Variants in SGCZ observed in about 807,000 individuals in gnomAD.
SGCZ encodes the protein sarcoglycan zeta, also known as zeta-sarcoglycan.
A neutral mutation model predicts 41.3 loss-of-function variants in SGCZ; 40 were observed. That is an observed-to-expected ratio of 0.97 (90% CI 0.75 to 1.26). The LOEUF (loss-of-function observed/expected upper bound fraction) is 1.26. Among genes scored for constraint, SGCZ ranks in the 50% most tolerant of loss-of-function variants. The pLI is 0.00. For synonymous variants in SGCZ, 206 were observed against 137.5 expected (o/e 1.50, Z -3.49); for missense variants, 552 against 369.8 (o/e 1.49, Z -4.04).
chr8:15,147,406 G>C (rs1055103289), intron 1 of SGCZ, among the ~76,000 whole-genome samples: 5 of 152,140 alleles, frequency 3.3e-5, no homozygotes, highest in Non-Finnish European at 7.3e-5. Flanking sequence ...AGCCTCCCGA[G>C]TAACTGGGAT....
chr8:14,389,800 A>G (rs1804701699), intron 2 of SGCZ, among the ~76,000 whole-genome samples: 1 of 152,036 alleles, frequency 6.6e-6, no homozygotes, highest in Non-Finnish European at 1.5e-5. Flanking sequence ...ACTATGACTA[A>G]TATTTGAGAA....
At chr8:15,116,689 G>T (rs1032007483) in intron 1 of SGCZ, among the ~76,000 whole-genome samples, 2 of 152,140 alleles carry the variant, frequency 1.3e-5, no homozygotes, top group African/African-American at 4.8e-5. Context: ...AAAGTACTAA[G>T]CTTTACACCA....
At chr8:14,542,515 C>T (rs934001721) in intron 2 of SGCZ, among the ~76,000 whole-genome samples, 1 of 151,980 alleles carries the variant, frequency 6.6e-6, no homozygotes, top group Non-Finnish European at 1.5e-5. Flanking sequence ...AATATTTGGC[C>T]TTAAAAGCAT....
chr8:14,364,743 A>G (rs75987387), intron 2 of SGCZ, among the ~76,000 whole-genome samples: 4,581 of 152,206 alleles, frequency 0.03, 112 homozygotes, highest in East Asian at 0.1. Flanking sequence ...AGTTCTTGGT[A>G]TATTTTAGTT....
At chr8:15,226,906 G>C (rs1383231892) in intron 1 of SGCZ, among the ~76,000 whole-genome samples, 1 of 152,170 alleles carries the variant, frequency 6.6e-6, no homozygotes, top group Non-Finnish European at 1.5e-5. Flanking sequence ...GATAAGTAGA[G>C]AACGATCTTC....
At chr8:14,851,032 G>A (rs1025534143) in intron 1 of SGCZ, among the ~76,000 whole-genome samples, 2 of 152,126 alleles carry the variant, frequency 1.3e-5, no homozygotes, top group African/African-American at 2.4e-5. Flanking sequence ...TGCTATTGCT[G>A]TAGAGTATGA....
intron 2 of SGCZ, among the ~76,000 whole-genome samples, chr8:14,546,280 G>C (rs906200033): frequency 6.6e-6 from 1 of 152,154 alleles, no homozygotes; most frequent in Non-Finnish European, 1.5e-5. Flanking sequence ...GTGCCATGAT[G>C]TGCGTGCTGA....
chr8:14,979,759 T>C (rs1321415372), intron 1 of SGCZ, among the ~76,000 whole-genome samples: 1 of 152,200 alleles, frequency 6.6e-6, no homozygotes, highest in Non-Finnish European at 1.5e-5. Flanking sequence ...GACTGGTTAT[T>C]AGGATATGAA....
At chr8:14,491,876 T>A (rs1451830044) in intron 2 of SGCZ, among the ~76,000 whole-genome samples, 3 of 152,126 alleles carry the variant, frequency 2.0e-5, no homozygotes, top group Admixed American at 1.3e-4. Context: ...TTCTCAAAAA[T>A]ATGTCTGAAG....
chr8:14,464,651 T>C (rs1800997918), intron 2 of SGCZ, among the ~76,000 whole-genome samples: 2 of 151,574 alleles, frequency 1.3e-5, no homozygotes, highest in African/African-American at 4.8e-5. Flanking sequence ...GTTTAGTTTG[T>C]TCTTCTTTTT....
chr8:14,715,595 A>T (rs1809663348), intron 1 of SGCZ, among the ~76,000 whole-genome samples: 1 of 151,868 alleles, frequency 6.6e-6, no homozygotes, highest in Admixed American at 6.6e-5. Flanking sequence ...TCTGTAGAAG[A>T]CCATGGCCAA....
intron 1 of SGCZ, among the ~76,000 whole-genome samples, chr8:14,788,233 A>C (rs2130459249): frequency 6.6e-6 from 1 of 152,296 alleles, no homozygotes; most frequent in Non-Finnish European, 1.5e-5. Context: ...CACATAATGC[A>C]GTAATATAGG....
intron 1 of SGCZ, among the ~76,000 whole-genome samples, chr8:14,756,336 C>G (rs1426163452): frequency 6.6e-6 from 1 of 152,060 alleles, no homozygotes; most frequent in Non-Finnish European, 1.5e-5. Flanking sequence ...TAGGCATGCA[C>G]CACCATGCAC....
At chr8:15,083,022 A>G (rs1014426707) in intron 1 of SGCZ, among the ~76,000 whole-genome samples, 1 of 151,854 alleles carries the variant, frequency 6.6e-6, no homozygotes, top group African/African-American at 2.4e-5. Context: ...TTTCTGCATG[A>G]AAACAGGAAT....
At chr8:14,886,234 G>A (rs1342355608) in intron 1 of SGCZ, among the ~76,000 whole-genome samples, 2 of 151,478 alleles carry the variant, frequency 1.3e-5, no homozygotes, top group Admixed American at 1.3e-4. Context: ...TATTTATTGA[G>A]GGCCTTCTAT....
At chr8:14,432,882 C>G (rs1799982842) in intron 2 of SGCZ, among the ~76,000 whole-genome samples, 1 of 125,084 alleles carries the variant, frequency 8.0e-6, no homozygotes, top group Non-Finnish European at 1.6e-5. Context: ...CTACTGCACT[C>G]CAGCCTGGGC....
chr8:14,514,724 CA>C (rs1223915602), intron 2 of SGCZ, among the ~76,000 whole-genome samples: 2 of 146,276 alleles, frequency 1.4e-5, no homozygotes, highest in African/African-American at 2.5e-5. Context: ...CATATATAAA[CA>C]TATTTACATA....
At chr8:14,105,520 A>T (rs1027858335) in intron 6 of SGCZ, among the ~76,000 whole-genome samples, 1 of 152,096 alleles carries the variant, frequency 6.6e-6, no homozygotes, top group Non-Finnish European at 1.5e-5. Flanking sequence ...AATTGTCAGC[A>T]AGGCTTGTAA....
chr8:14,563,325 A>C (rs896468116), intron 1 of SGCZ, among the ~76,000 whole-genome samples: 1 of 152,198 alleles, frequency 6.6e-6, no homozygotes, highest in African/African-American at 2.4e-5. Context: ...GAAGGAGGGC[A>C]TAAGAGAATA....
Sources: allele counts gnomAD v4.1 joint callset (sites outside exome capture counted in the v4.1 genomes callset), GRCh38; gene constraint gnomAD v4.1.1; transcripts MANE v1.5; gene names NCBI Gene and HGNC (gene_info 2026-07-23, HGNC 2026-07-21).